MYT1L: variants seen among roughly 807,000 people sequenced by gnomAD.
MYT1L encodes myelin transcription factor 1-like protein.
MYT1L carries 12 observed loss-of-function variants against 126.7 expected under a neutral mutation model. The ratio of observed to expected loss-of-function variants is 0.09; its 90% CI spans 0.06 to 0.15. The LOEUF (loss-of-function observed/expected upper bound fraction) is 0.15. Ranked by LOEUF, MYT1L falls within the 10% of genes least tolerant of loss-of-function variation. The probability of loss-of-function intolerance (pLI) is 1.00; values close to 1 mark genes in which losing one functional copy is unlikely to be tolerated. For synonymous variants in MYT1L, 541 were observed against 604.2 expected (o/e 0.90, Z 1.53); for missense variants, 979 against 1,585.2 (o/e 0.62, Z 6.49).
In MYT1L at chr2:1,943,413, G is replaced by A. The variant is rs2056886796; in HGVS notation, c.153-79C>T. The stretch of plus-strand genomic sequence containing the variant: ...TACTGTCTTTTAAAATCAGACCAAT[G>A]GGGGCCTTGATCAAGGTACTTAAAG... On this transcript the variant is annotated intron_variant, in intron 8 of 24. Transcript: ENST00000647738. This position sits in a 1 kb window ranked among gnomAD's most constrained non-coding sequence, Gnocchi z 4.4. 6 of 1,426,900 alleles carry A rather than the reference G, an allele frequency of 4.2e-6. No homozygotes were observed. The East Asian group carries it at 1.2e-4, about 30-fold the overall frequency. The allele number at this position is 1,426,900 out of a possible 1,614,324, so 88.4% of individuals were successfully genotyped here. A position where few individuals can be genotyped will look rare whatever the true frequency, so the allele number is the denominator to read the frequency against.
chr2:2,168,797 C>T (rs976962430), intron 3 of MYT1L, among the ~76,000 whole-genome samples: 3 of 152,086 alleles, frequency 2.0e-5, no homozygotes, highest in Non-Finnish European at 4.4e-5. Context: ...CTCCTTTTTC[C>T]AAGAGTTTTT....
intron 3 of MYT1L, among the ~76,000 whole-genome samples, chr2:2,095,875 T>C (rs1361842607): frequency 2.0e-5 from 3 of 152,156 alleles, no homozygotes; most frequent in African/African-American, 7.2e-5. Flanking sequence ...CTGACTATCA[T>C]GCCCAGGGGG....
intron 8 of MYT1L, among the ~76,000 whole-genome samples, chr2:1,945,551 G>T (rs2057134747): frequency 6.6e-6 from 1 of 152,172 alleles, no homozygotes; most frequent in African/African-American, 2.4e-5. Context: ...CCCATGGCAG[G>T]TCTTGTTGGT....
At chr2:1,964,558 C>T (rs1015553984) in intron 8 of MYT1L, among the ~76,000 whole-genome samples, 1 of 152,102 alleles carries the variant, frequency 6.6e-6, no homozygotes, top group Admixed American at 6.5e-5. Flanking sequence ...CTCCAAAATA[C>T]TTTGAATTGT....
At chr2:2,245,737 C>T (rs921282762) in intron 2 of MYT1L, among the ~76,000 whole-genome samples, 2 of 152,126 alleles carry the variant, frequency 1.3e-5, no homozygotes, top group Non-Finnish European at 2.9e-5. Flanking sequence ...CCAGCGCATG[C>T]TTTCACATAG....
intron 2 of MYT1L, among the ~76,000 whole-genome samples, chr2:2,256,117 A>T (rs1444938894): frequency 6.6e-6 from 1 of 152,192 alleles, no homozygotes. Context: ...CGTCGGGCCA[A>T]AACAAGACCC....
At chr2:1,899,058 C>T (rs1291412770) in intron 14 of MYT1L, among the ~76,000 whole-genome samples, 1 of 152,224 alleles carries the variant, frequency 6.6e-6, no homozygotes, top group Non-Finnish European at 1.5e-5. Flanking sequence ...GGGCAGAGCC[C>T]ATTTGGGGGC....
At chr2:2,259,603 G>C (rs2094909887) in intron 2 of MYT1L, among the ~76,000 whole-genome samples, 1 of 152,138 alleles carries the variant, frequency 6.6e-6, no homozygotes, top group African/African-American at 2.4e-5. Context: ...ATTGTGACCT[G>C]AAAATCTCCA....
intron 8 of MYT1L, among the ~76,000 whole-genome samples, chr2:1,975,796 A>G (rs1199277107): frequency 3.3e-5 from 5 of 152,230 alleles, no homozygotes; most frequent in Admixed American, 3.3e-4. Context: ...CCTGGGAGAC[A>G]GAGGTTTCAG....
intron 2 of MYT1L, among the ~76,000 whole-genome samples, chr2:2,281,874 T>C (rs1319495315): frequency 6.6e-6 from 1 of 152,184 alleles, no homozygotes; most frequent in Non-Finnish European, 1.5e-5. Context: ...AGTTGTAAGC[T>C]ATCTGTTCCT....
At chr2:2,124,050 A>AACCTG (rs2081379133) in intron 3 of MYT1L, among the ~76,000 whole-genome samples, 1 of 152,064 alleles carries the variant, frequency 6.6e-6, no homozygotes, top group African/African-American at 2.4e-5. Flanking sequence ...CACAGAGTGT[A>AACCTG]TGGCCAATGT....
chr2:1,844,575 T>C (rs2042246479), intron 19 of MYT1L, among the ~76,000 whole-genome samples: 1 of 152,170 alleles, frequency 6.6e-6, no homozygotes, highest in Admixed American at 6.5e-5. Context: ...CGATGCTATG[T>C]ATAGGCTGTG....
At chr2:2,249,302 T>A (rs183124391) in intron 2 of MYT1L, among the ~76,000 whole-genome samples, 2 of 151,790 alleles carry the variant, frequency 1.3e-5, no homozygotes, top group African/African-American at 2.4e-5. Context: ...TACCTAGGAA[T>A]AAACCAAACC....
intron 4 of MYT1L, among the ~76,000 whole-genome samples, chr2:2,033,292 C>A (rs1374214430): frequency 7.7e-6 from 1 of 129,560 alleles, no homozygotes; most frequent in Non-Finnish European, 1.6e-5. Context: ...TGGCCCAGAG[C>A]AGATTCTAGA....
At chr2:1,857,964 G>T (rs1347354444) in intron 18 of MYT1L, among the ~76,000 whole-genome samples, 1 of 151,990 alleles carries the variant, frequency 6.6e-6, no homozygotes, top group Non-Finnish European at 1.5e-5. Context: ...CCAGGTTCAA[G>T]TGATTCTCCT....
chr2:2,113,729 C>G (rs1197512920), intron 3 of MYT1L, among the ~76,000 whole-genome samples: 1 of 151,992 alleles, frequency 6.6e-6, no homozygotes, highest in Non-Finnish European at 1.5e-5. Context: ...GCCTCCATTA[C>G]ACAGATAGGA....
intron 2 of MYT1L, among the ~76,000 whole-genome samples, chr2:2,276,262 G>C (rs148199670): frequency 2.9e-4 from 44 of 152,066 alleles, no homozygotes; most frequent in African/African-American, 1.0e-3. Context: ...GTGGTGCCTT[G>C]ACACATTTCT....
At position 2,070,387 on chromosome 2, in the gene MYT1L, T is replaced by C. The variant is rs527851658; in HGVS notation, c.-303-16264A>G. On this transcript the variant is annotated intron_variant, in intron 3 of 24. Coordinates refer to ENST00000647738, the MANE Select transcript of MYT1L (RefSeq NM_001303052.2). ...TGGAGGCTCTGTGCTGTGGGGTCGC[T>C]CAGGGTGGGGGAAGCCACTCTTGCT... Among the ~76,000 whole-genome samples, 58 of 152,272 alleles carry C rather than the reference T, an allele frequency of 3.8e-4. 1 individual carries two copies. The highest frequency in any genetic ancestry group is 7.8e-4 in the Admixed American group (12 of 15,296).
At chr2:1,855,698 C>T (rs2043828330) in intron 18 of MYT1L, among the ~76,000 whole-genome samples, 1 of 152,046 alleles carries the variant, frequency 6.6e-6, no homozygotes, top group South Asian at 2.1e-4. Flanking sequence ...CTTTTCTATT[C>T]CAAAGATACT....
Sources: allele counts gnomAD v4.1 joint callset (sites outside exome capture counted in the v4.1 genomes callset), GRCh38; gene constraint gnomAD v4.1.1; non-coding constraint Gnocchi (gnomAD v3.1); transcripts MANE v1.5; gene names NCBI Gene and HGNC (gene_info 2026-07-23, HGNC 2026-07-21).